Variants in C2 observed in about 807,000 individuals in gnomAD.
The protein encoded by C2 is complement C2, also known as C3/C5 convertase.
C2 carries 64 observed loss-of-function variants against 85.2 expected under a neutral mutation model. That is an observed-to-expected ratio of 0.75 (90% CI 0.61 to 0.92). The LOEUF (loss-of-function observed/expected upper bound fraction) is 0.92. Ranked by LOEUF, C2 falls within the 40% of genes least tolerant of loss-of-function variation. The probability of loss-of-function intolerance (pLI) is 0.00; values close to 1 mark genes in which losing one functional copy is unlikely to be tolerated. For synonymous variants in C2, 311 were observed against 370.8 expected (o/e 0.84, Z 1.85); for missense variants, 820 against 971.6 (o/e 0.84, Z 2.07).
At chr6:31,900,184 G>C (rs1435781087), upstream of C2, 1 of 1,614,226 alleles carries the variant, frequency 6.2e-7, no homozygotes, top group Non-Finnish European at 8.5e-7. The surrounding 1 kb of genome is among the most constrained non-coding windows in gnomAD (Gnocchi z 9.7). Flanking sequence ...TGTGGCGGTT[G>C]AGGTTGCTGC....
Position 31,944,325 on chromosome 6 carries a change from G to A in C2, c.1902+99G>A, listed in dbSNP as rs545115019. 17 of 854,218 alleles carry A rather than the reference G, an allele frequency of 2.0e-5. No individual in the cohort carries two copies. Among genetic ancestry groups the A allele is most frequent in the South Asian group, 1.5e-4 (11 of 72,814 alleles). The allele number at this position is 854,218 out of a possible 1,614,324, so 52.9% of individuals were successfully genotyped here. ...TCTGGCTGCTTTCTCTCTCTGACGCGGGTCACCCCTCCTCCCAAGCCTCAC... is the reference window on the plus strand; with the variant it reads ...TCTGGCTGCTTTCTCTCTCTGACGCAGGTCACCCCTCCTCCCAAGCCTCAC... On this transcript the variant is annotated intron_variant, in intron 15 of 17. Transcript: ENST00000299367. The surrounding 1 kb of genome is among the most constrained non-coding windows in gnomAD (Gnocchi z 5.1).
At chr6:31,924,425 C>G (rs1331366572), upstream of C2, among the ~76,000 whole-genome samples, 1 of 152,150 alleles carries the variant, frequency 6.6e-6, no homozygotes, top group African/African-American at 2.4e-5. Flanking sequence ...ATTTTGTGAT[C>G]TAGGTGGCTG....
At chr6:31,934,825 C>T (rs1179245247) in intron 6 of C2, 1 of 323,282 alleles carries the variant, frequency 3.1e-6, no homozygotes, top group Non-Finnish European at 4.6e-6. Flanking sequence ...GCCTGACCAA[C>T]ATGATGAAAC....
chr6:31,898,790 G>A (rs1429944696), upstream of C2, among the ~76,000 whole-genome samples: 1 of 152,040 alleles, frequency 6.6e-6, no homozygotes, highest in Non-Finnish European at 1.5e-5. Flanking sequence ...CCCTCAAATA[G>A]AGTTCATGTG....
rs1201626448 is a variant in C2 at position 31,935,073 on chromosome 6, G to A, written c.849+774G>A. The A allele has an allele frequency of 1.0e-6, 1 of 974,162 alleles. No homozygotes were observed. Among genetic ancestry groups the A allele is most frequent in the Non-Finnish European group, 1.2e-6 (1 of 819,810 alleles). 60.3% of individuals were successfully genotyped at this position (974,162 alleles called of 1,614,324 possible). A position where few individuals can be genotyped will look rare whatever the true frequency, so the allele number is the denominator to read the frequency against. On this transcript the variant is annotated intron_variant, in intron 6 of 17. Transcript: ENST00000299367. This position sits in a 1 kb window ranked among gnomAD's most constrained non-coding sequence, Gnocchi z 4.3. ...GTGTGATAGAAGTTTGGAAGCCACT[G>A]GTTTAAGTTCCTCGCCAGAACTTTG...
At chr6:31,900,172 C>T (rs997586460), upstream of C2, 9 of 1,614,112 alleles carry the variant, frequency 5.6e-6, no homozygotes, top group Non-Finnish European at 7.6e-6. The surrounding 1 kb of genome is among the most constrained non-coding windows in gnomAD (Gnocchi z 9.7). Flanking sequence ...GATGCACGTT[C>T]ATGTGGCGGT....
Position 31,935,925 on chromosome 6 carries a change from C to A in C2, c.852C>A (p.Ile284=), listed in dbSNP as rs767887161. Residue 284 remains isoleucine (I), a splice_region_variant and synonymous_variant, in exon 7 of 18, where the codon ATC becomes ATA. Coordinates refer to ENST00000299367, the MANE Select transcript of C2 (RefSeq NM_000063.6). This position sits in a 1 kb window ranked among gnomAD's most constrained non-coding sequence, Gnocchi z 4.3. ...KESASLMVDR[I]FSFEINVSVA... is the part of the protein sequence containing the mutation. ...TGCCTCTCACTTGCCCCGCACAGAT[C>A]TTCAGCTTTGAGATCAATGTGAGCG... 9 of 1,612,994 alleles carry A rather than the reference C, an allele frequency of 5.6e-6. 1 individual carries two copies. The South Asian group carries it at 9.9e-5, about 18-fold the overall frequency.
At chr6:31,928,286 G>C (rs1769430451) in intron 2 of C2, 122 bp downstream of exon 2, 1 of 858,768 alleles carries the variant, frequency 1.2e-6, no homozygotes, top group South Asian at 1.4e-5. Flanking sequence ...TTTGCAGAGG[G>C]CTTTTCAAAA....
rs147021965 is a variant in C2 at position 31,928,877 on chromosome 6, C to T, written c.402C>T (p.Asn134=). The change falls in exon 3 of 18, where the codon AAC becomes AAT. Residue 134 remains asparagine, a synonymous_variant. Coordinates refer to ENST00000299367, the MANE Select transcript of C2 (RefSeq NM_000063.6). The part of the protein sequence containing the change: ...RGSPVRQCRP[N]GMWDGETAVC... ...CGCCTGTGCGTCAGTGTCGCCCCAA[C>T]GGCATGTGGGATGGAGAAACAGCTG... 155 of 1,613,990 alleles carry T rather than the reference C, an allele frequency of 9.6e-5. No homozygotes were observed. Among genetic ancestry groups the T allele is most frequent in the African/African-American group, 3.5e-4 (26 of 74,926 alleles).
chr6:31,908,728 G>A (rs1767897388), intron 1 of C2, among the ~76,000 whole-genome samples: 1 of 151,580 alleles, frequency 6.6e-6, no homozygotes, highest in South Asian at 2.1e-4. Flanking sequence ...TCAGTCAGCA[G>A]CTATCGATAT....
upstream of C2, among the ~76,000 whole-genome samples, chr6:31,922,717 C>T (rs1769052444): frequency 6.6e-6 from 1 of 152,188 alleles, no homozygotes; most frequent in East Asian, 1.9e-4. The surrounding 1 kb of genome is among the most constrained non-coding windows in gnomAD (Gnocchi z 4.8). Flanking sequence ...TAGCACATGC[C>T]TGTAATCCCA....
rs1407311139 is a variant in C2, at chr6:31,937,309, C to T, written c.989-10C>T. 1 of 1,612,584 alleles carries T rather than the reference C, an allele frequency of 6.2e-7. No individual in the cohort carries two copies. Among genetic ancestry groups the T allele is most frequent in the Admixed American group, 1.7e-5 (1 of 59,990 alleles). ...TTTCTAAGAGAGTCCTTCCTTTTGG[C>T]ATATTCCAGATCATGAAAATGGAAC... On this transcript the variant is annotated splice_polypyrimidine_tract_variant and intron_variant, in intron 7 of 17. Coordinates refer to ENST00000299367, the MANE Select transcript of C2 (RefSeq NM_000063.6).
rs148111479 is a variant in C2, at chr6:31,943,490, C to A, written c.1530C>A (p.Arg510=). 5.6e-6 allele frequency: 9 copies of A among 1,613,038 alleles called. No individual in the cohort carries two copies. In the South Asian group the frequency reaches 8.8e-5, roughly 16 times the overall value. Residue 510 remains arginine, a synonymous_variant, in exon 12 of 18, where the codon CGC becomes CGA. Transcript: ENST00000299367. The surrounding 1 kb of genome is among the most constrained non-coding windows in gnomAD (Gnocchi z 6.4). ...QWVLTAAHCF[R]DGNDHSLWRV... is the part of the protein sequence containing the mutation. ...TCCTGACAGCAGCTCATTGCTTCCG[C>A]GATGGCAACGACCACTCCCTGTGGA... is the stretch of plus-strand genomic sequence containing the variant.
At chr6:31,901,604 G>A (rs1347285919) in intron 1 of C2, among the ~76,000 whole-genome samples, 2 of 151,712 alleles carry the variant, frequency 1.3e-5, no homozygotes, top group East Asian at 3.9e-4. Flanking sequence ...GGAGAAAAAG[G>A]GGGGCCAGAG....
upstream of C2, chr6:31,927,487 G>A (rs1211256899): frequency 2.1e-6 from 3 of 1,423,702 alleles, no homozygotes; most frequent in Admixed American, 2.9e-5. This position sits in a 1 kb window ranked among gnomAD's most constrained non-coding sequence, Gnocchi z 4.7. Flanking sequence ...GAGCGTGGGG[G>A]CAGTACACAA....
rs367710345 is a variant in C2 at position 31,933,658 on chromosome 6, G to A, written c.491G>A (p.Gly164Asp). 2 of 1,613,152 alleles carry A rather than the reference G, an allele frequency of 1.2e-6. No homozygotes were observed. ...PGISLGAVRTGFRFGHGDKVR... is the reference protein window; with the variant it reads ...PGISLGAVRTDFRFGHGDKVR... ...ATTTCACTGGGCGCAGTGCGGACAG[G>A]CTTCCGCTTTGGTCATGGGGACAAG... The change falls in exon 4 of 18, where the codon GGC (glycine) becomes GAC (aspartate). Residue 164 changes from glycine (G) to aspartate (D), a missense_variant. Physicochemically the swap from Gly to Asp is moderately conservative, Grantham distance 94. Transcript: ENST00000299367.
chr6:31,899,833 C>T (rs1581989343), upstream of C2: 6 of 1,383,572 alleles, frequency 4.3e-6, no homozygotes, highest in East Asian at 1.2e-4. Flanking sequence ...CCTTTCTGCC[C>T]CAGACCCCCC....
In C2 at chr6:31,943,724, A is replaced by C; in HGVS notation, c.1648A>C (p.Lys550Gln). 6.2e-7 allele frequency: 1 copy of C among 1,613,022 alleles called. No homozygotes were observed. Among genetic ancestry groups the C allele is most frequent in the Non-Finnish European group, 8.5e-7 (1 of 1,179,996 alleles). The change falls in exon 13 of 18, where the codon AAG (lysine) becomes CAG (glutamine). Residue 550 changes from lysine (K) to glutamine (Q), a missense_variant. By Grantham distance (53) the Lys-to-Gln change is moderately conservative. Coordinates refer to ENST00000299367, the MANE Select transcript of C2 (RefSeq NM_000063.6). The surrounding 1 kb of genome is among the most constrained non-coding windows in gnomAD (Gnocchi z 6.4). ...ISPGFDVFAKKNQGILEFYGD... is the reference protein window; with the variant it reads ...ISPGFDVFAKQNQGILEFYGD... ...CCCAGGGTTTGATGTCTTTGCCAAA[A>C]AGAACCAGGGAATCCTGGAGTTCTA...
Position 31,935,881 on chromosome 6 carries a change from G to T in C2, c.850-42G>T. The T allele has an allele frequency of 6.2e-7, 1 of 1,610,466 alleles. No homozygotes were observed. The highest frequency in any genetic ancestry group is 8.5e-7 in the Non-Finnish European group (1 of 1,179,226). ...TTGCTCTCTTACCATCTCCCCTTTG[G>T]CTTCAGGGCCCTTTACGCTGCCTCT... On this transcript the variant is annotated intron_variant, in intron 6 of 17. Transcript: ENST00000299367. This position sits in a 1 kb window ranked among gnomAD's most constrained non-coding sequence, Gnocchi z 4.3.
Sources: gnomAD v4.1 joint callset for allele counts (sites outside exome capture counted in the v4.1 genomes callset) on GRCh38, gnomAD v4.1.1 for gene constraint, Gnocchi (gnomAD v3.1) non-coding constraint, MANE v1.5 for transcripts, NCBI Gene and HGNC (gene_info 2026-07-23, HGNC 2026-07-21) for gene names.